SLC39A11: variants seen among roughly 807,000 people sequenced by gnomAD.
The protein encoded by SLC39A11 is zinc transporter ZIP11.
Under a neutral mutation model 36.1 loss-of-function variants are expected in SLC39A11, and 33 were observed. The observed-to-expected ratio is 0.91, with a 90% CI of 0.69 to 1.22. The LOEUF (loss-of-function observed/expected upper bound fraction) is 1.22, where lower values mean the gene tolerates loss of function less well. Among genes scored for constraint, SLC39A11 ranks in the 50% most tolerant of loss-of-function variants. The probability of loss-of-function intolerance (pLI) is 0.00; values close to 1 mark genes in which losing one functional copy is unlikely to be tolerated. For missense variants in SLC39A11, 432 were observed against 430.3 expected, an observed-to-expected ratio of 1.00 and a Z score of -0.03; for synonymous variants, 166 against 170.3, an observed-to-expected ratio of 0.97 and a Z score of 0.20.
At chr17:72,773,644 TACACACACACACAC>T (rs550889404) in intron 6 of SLC39A11, among the ~76,000 whole-genome samples, 12 of 78,814 alleles carry the variant, frequency 1.5e-4, no homozygotes, top group Non-Finnish European at 2.8e-4. Context: ...GAGACCATCT[TACACACACACACAC>T]ACACACACAC....
intron 6 of SLC39A11, among the ~76,000 whole-genome samples, chr17:72,757,954 C>T (rs975933344): frequency 3.7e-4 from 57 of 152,202 alleles, no homozygotes; most frequent in African/African-American, 1.1e-3. Context: ...GGCGTGATCT[C>T]GGCCTACTGC....
chr17:72,998,842 C>A (rs891896209), intron 4 of SLC39A11, among the ~76,000 whole-genome samples: 2 of 152,184 alleles, frequency 1.3e-5, no homozygotes, highest in African/African-American at 4.8e-5. Flanking sequence ...GCAGAGGAGT[C>A]CCGTTCTGAG....
chr17:72,724,446 C>T (rs76825292), intron 7 of SLC39A11, among the ~76,000 whole-genome samples: 5,146 of 152,056 alleles, frequency 0.034, 107 homozygotes, highest in Non-Finnish European at 0.051. Flanking sequence ...ATCAAGAAAG[C>T]GGTGGGGGGG....
At chr17:72,798,242 T>C (rs1848116197) in intron 6 of SLC39A11, among the ~76,000 whole-genome samples, 1 of 151,948 alleles carries the variant, frequency 6.6e-6, no homozygotes, top group Admixed American at 6.5e-5. Context: ...CGGAGGGGCT[T>C]AAATGACAGA....
At chr17:72,790,748 G>T (rs2076674783) in intron 6 of SLC39A11, among the ~76,000 whole-genome samples, 1 of 152,026 alleles carries the variant, frequency 6.6e-6, no homozygotes, top group Non-Finnish European at 1.5e-5. Context: ...GGCCAGGCTG[G>T]TCTCAAACTC....
At chr17:72,726,247 G>A (rs1037572274) in intron 7 of SLC39A11, among the ~76,000 whole-genome samples, 6 of 152,268 alleles carry the variant, frequency 3.9e-5, no homozygotes, top group Admixed American at 3.9e-4. Flanking sequence ...CTTGTTCAAA[G>A]ATGTTAGAGT....
At chr17:72,832,764 A>G (rs919585223) in intron 6 of SLC39A11, among the ~76,000 whole-genome samples, 2 of 152,230 alleles carry the variant, frequency 1.3e-5, no homozygotes, top group Non-Finnish European at 2.9e-5. Flanking sequence ...GACAAAACAA[A>G]CAGGGACTTA....
chr17:72,930,056 T>G (rs915584299), intron 5 of SLC39A11, among the ~76,000 whole-genome samples: 1 of 152,204 alleles, frequency 6.6e-6, no homozygotes, highest in Non-Finnish European at 1.5e-5. Flanking sequence ...ATACAGTTTC[T>G]GAGTTGAAAT....
At chr17:72,965,393 C>T (rs960858937) in intron 4 of SLC39A11, among the ~76,000 whole-genome samples, 7 of 152,082 alleles carry the variant, frequency 4.6e-5, no homozygotes, top group African/African-American at 7.2e-5. Flanking sequence ...GACTTTACAA[C>T]GGTGCAAAAG....
At chr17:72,741,908 A>G (rs1456535459) in intron 6 of SLC39A11, among the ~76,000 whole-genome samples, 1 of 152,162 alleles carries the variant, frequency 6.6e-6, no homozygotes, top group Non-Finnish European at 1.5e-5. Context: ...GTAAGCAAGA[A>G]TGAGTACCCA....
At chr17:73,001,041 G>A (rs2089791640) in intron 4 of SLC39A11, among the ~76,000 whole-genome samples, 1 of 152,028 alleles carries the variant, frequency 6.6e-6, no homozygotes, top group Admixed American at 6.6e-5. Context: ...TGTCTTCATT[G>A]TGCCCTAGCC....
chr17:72,787,902 C>T (rs899680874), intron 6 of SLC39A11, among the ~76,000 whole-genome samples: 2 of 152,146 alleles, frequency 1.3e-5, no homozygotes, highest in Non-Finnish European at 2.9e-5. Flanking sequence ...ATTTTGAGCT[C>T]TCATAGCACC....
chr17:72,658,489 C>T (rs1159753201), intron 7 of SLC39A11, among the ~76,000 whole-genome samples: 1 of 152,194 alleles, frequency 6.6e-6, no homozygotes, highest in East Asian at 1.9e-4. Flanking sequence ...GAGGCCTGAC[C>T]CTGTTTCGCC....
At position 72,991,063 on chromosome 17, in the gene SLC39A11, C is replaced by T. The variant is rs182091632; in HGVS notation, c.306+40493G>A. On this transcript the variant is annotated intron_variant, in intron 4 of 9. Transcript: ENST00000255559. Reference sequence around the variant, plus strand: ...AACAAGATGTAAGTCCACGTACCAACGATCTAGATTTAATAAAGGTTAACC... The same window carrying T: ...AACAAGATGTAAGTCCACGTACCAATGATCTAGATTTAATAAAGGTTAACC... Among the ~76,000 whole-genome samples the T allele has an allele frequency of 3.3e-4, 50 of 152,254 alleles. 1 individual carries two copies. Among genetic ancestry groups the T allele is most frequent in the Admixed American group, 3.0e-3 (46 of 15,294 alleles).
chr17:73,046,688 C>T (rs2059304018), intron 3 of SLC39A11, among the ~76,000 whole-genome samples: 1 of 152,024 alleles, frequency 6.6e-6, no homozygotes, highest in Admixed American at 6.6e-5. Flanking sequence ...TGACTCACAC[C>T]CCCAGCACTT....
chr17:72,973,150 T>A (rs572528308), intron 4 of SLC39A11, among the ~76,000 whole-genome samples: 13 of 151,734 alleles, frequency 8.6e-5, no homozygotes, highest in African/African-American at 2.4e-4. Flanking sequence ...ATGGAAACCA[T>A]CTTTTCCTTG....
At chr17:72,740,498 AC>A (rs1222570643) in intron 6 of SLC39A11, among the ~76,000 whole-genome samples, 2 of 152,210 alleles carry the variant, frequency 1.3e-5, no homozygotes, top group Non-Finnish European at 2.9e-5. Flanking sequence ...GTAGGCACCC[AC>A]AGCTGCAGAC....
chr17:72,794,689 C>T (rs1016026044), intron 6 of SLC39A11, among the ~76,000 whole-genome samples: 2 of 152,042 alleles, frequency 1.3e-5, no homozygotes, highest in Non-Finnish European at 2.9e-5. Flanking sequence ...ACACTCGCCT[C>T]CCTCTTCCCA....
At chr17:72,922,794 C>T (rs2083749452) in intron 5 of SLC39A11, among the ~76,000 whole-genome samples, 1 of 151,698 alleles carries the variant, frequency 6.6e-6, no homozygotes, top group Admixed American at 6.6e-5. Flanking sequence ...ATGGCAAAAC[C>T]CCATATCTAT....
Sources: allele counts gnomAD v4.1 joint callset (sites outside exome capture counted in the v4.1 genomes callset), GRCh38; gene constraint gnomAD v4.1.1; transcripts MANE v1.5; gene names NCBI Gene and HGNC (gene_info 2026-07-23, HGNC 2026-07-21).